The following PPP1R10 variants were observed in gnomAD, a reference collection of about 807,000 sequenced individuals.
PPP1R10 encodes the protein serine/threonine-protein phosphatase 1 regulatory subunit 10.
A neutral mutation model predicts 99.0 loss-of-function variants in PPP1R10; 15 were observed. The observed-to-expected ratio is 0.15, with a 90% confidence interval of 0.10 to 0.23. The LOEUF (loss-of-function observed/expected upper bound fraction) is 0.23, where lower values mean the gene tolerates loss of function less well. Ranked by LOEUF, PPP1R10 falls within the 10% of genes least tolerant of loss-of-function variation. The pLI is 1.00. For missense variants in PPP1R10, 947 were observed against 1,259.4 expected (o/e 0.75, Z 3.75); for synonymous variants, 430 against 449.5 (o/e 0.96, Z 0.55).
intron 5 of PPP1R10, among the ~76,000 whole-genome samples, chr6:30,608,436 GGACTAC>G (rs2127444846): frequency 6.6e-6 from 1 of 152,060 alleles, no homozygotes; most frequent in East Asian, 1.9e-4. Context: ...TGATTAGCTG[GGACTAC>G]AGGCGCATGC....
In PPP1R10 at chr6:30,609,171, AGAT is replaced by A; in HGVS notation, c.108-11_108-9del. On this transcript the variant is annotated splice_polypyrimidine_tract_variant and intron_variant, in intron 3 of 19. Transcript: ENST00000376511. This position sits in a 1 kb window ranked among gnomAD's most constrained non-coding sequence, Gnocchi z 4.5. Reference sequence around the variant, plus strand: ...CGTGCTTCCTTCATCAAACTGCAGAAGATGAGTTAGGGTTAGAAATGAAGCAGC... The same window carrying A: ...CGTGCTTCCTTCATCAAACTGCAGAAGAGTTAGGGTTAGAAATGAAGCAGC... The A allele has an allele frequency of 1.2e-6, 2 of 1,612,960 alleles. No homozygotes were observed. The highest frequency in any genetic ancestry group is 1.7e-6 in the Non-Finnish European group (2 of 1,179,886).
rs553094277 is a variant in PPP1R10, at chr6:30,615,037, T to A, written c.-12+1441A>T. On this transcript the variant is annotated intron_variant, in intron 2 of 19. Coordinates refer to ENST00000376511, the MANE Select transcript of PPP1R10 (RefSeq NM_002714.4). ...TGGAGAGAGGAGGAAGAAAGCTGAT[T>A]ACATCACCTTTCAAGGCTGCTCCTC... Among the ~76,000 whole-genome samples the A allele has an allele frequency of 1.8e-3, 278 of 152,164 alleles. 1 individual carries two copies. Among genetic ancestry groups the A allele is most frequent in the Non-Finnish European group, 1.4e-3 (93 of 67,998 alleles).
intron 6 of PPP1R10, 130 bp downstream of exon 6, chr6:30,607,710 G>GT: frequency 1.0e-6 from 1 of 996,338 alleles, no homozygotes; most frequent in Non-Finnish European, 1.5e-6. Flanking sequence ...CTCTTTAAAA[G>GT]AAGGAAAAAA....
intron 19 of PPP1R10, 55 bp downstream of exon 19, chr6:30,601,881 C>G (rs1345888988): frequency 6.9e-7 from 1 of 1,455,158 alleles, no homozygotes; most frequent in African/African-American, 1.4e-5. Context: ...ACCCACTCCC[C>G]AAAAGCTTGT....
chr6:30,613,164 A>G (rs1804732121), intron 2 of PPP1R10, among the ~76,000 whole-genome samples: 1 of 152,212 alleles, frequency 6.6e-6, no homozygotes, highest in Non-Finnish European at 1.5e-5. Context: ...CTGTGACACC[A>G]ACTCCTGCCT....
chr6:30,616,093 G>T (rs1229466685), intron 2 of PPP1R10, among the ~76,000 whole-genome samples: 2 of 152,214 alleles, frequency 1.3e-5, no homozygotes, highest in Non-Finnish European at 2.9e-5. Context: ...ACCATCTCTT[G>T]TATGTGAGCT....
At chr6:30,605,885 T>G in intron 10 of PPP1R10, 38 bp downstream of exon 10, 3 of 1,437,534 alleles carry the variant, frequency 2.1e-6, no homozygotes, top group Non-Finnish European at 2.9e-6. Flanking sequence ...AAAAGTTTGC[T>G]CCTAATTCAA....
chr6:30,615,508 C>T (rs183913943), intron 2 of PPP1R10, among the ~76,000 whole-genome samples: 2 of 152,252 alleles, frequency 1.3e-5, no homozygotes, highest in South Asian at 2.1e-4. Context: ...AAGACACAAC[C>T]TGCAACGCCG....
Position 30,602,950 on chromosome 6 carries a change from C to T in PPP1R10, c.1853G>A (p.Gly618Glu). 6.5e-7 allele frequency: 1 copy of T among 1,545,118 alleles called. No individual in the cohort carries two copies. Among genetic ancestry groups the T allele is most frequent in the Non-Finnish European group, 8.7e-7 (1 of 1,144,500 alleles). The stretch of plus-strand genomic sequence containing the variant: ...GGCTATTGGGCCAGGGCCTAGGAGT[C>T]CATGTGGCACTGTTAATGAAAACAA... ...DKIKQMLVPH[G>E]LLGPGPIANG... Residue 618 changes from glycine (G) to glutamate (E), a missense_variant, in exon 18 of 20, where the codon GGA (glycine) becomes GAA (glutamate). Physicochemically the swap from Gly to Glu is moderately conservative, Grantham distance 98. Coordinates refer to ENST00000376511, the MANE Select transcript of PPP1R10 (RefSeq NM_002714.4). The surrounding 1 kb of genome is among the most constrained non-coding windows in gnomAD (Gnocchi z 6.7).
Position 30,602,465 on chromosome 6 carries a change from A to G in PPP1R10, c.2184T>C (p.Gly728=). Residue 728 remains glycine (G), a synonymous_variant, in exon 19 of 20, where the codon GGT becomes GGC. Coordinates refer to ENST00000376511, the MANE Select transcript of PPP1R10 (RefSeq NM_002714.4). The surrounding 1 kb of genome is among the most constrained non-coding windows in gnomAD (Gnocchi z 6.7). ...CATTTGGGGGTCCTCCTCCAGAGCG[A>G]CCTCCTCTGGCGCCTCGGAATGGAG... The part of the protein sequence containing the change: ...PPPPFRGARG[G]RSGGGPPNGR... 1.3e-6 allele frequency: 2 copies of G among 1,591,790 alleles called. No homozygotes were observed. Among genetic ancestry groups the G allele is most frequent in the Middle Eastern group, 1.7e-4 (1 of 5,970 alleles).
In PPP1R10 at chr6:30,600,562, T is replaced by C. The variant is rs1024426902; in HGVS notation, c.*987A>G. ...TCATAGAAAACAACTGATGCCAAAG[T>C]GAAGGAGAGAACTGGGAAAGGGCAA... On this transcript the variant is annotated 3_prime_UTR_variant, in exon 20 of 20. Coordinates refer to ENST00000376511, the MANE Select transcript of PPP1R10 (RefSeq NM_002714.4). The C allele has an allele frequency of 1.3e-5, 2 of 152,238 alleles. No homozygotes were observed. The highest frequency in any genetic ancestry group is 2.9e-5 in the Non-Finnish European group (2 of 67,984). 9.4% of individuals were successfully genotyped at this position (152,238 alleles called of 1,614,324 possible). A position where few individuals can be genotyped will look rare whatever the true frequency, so the allele number is the denominator to read the frequency against.
At chr6:30,607,772 A>G in intron 6 of PPP1R10, 68 bp downstream of exon 6, 1 of 1,511,106 alleles carries the variant, frequency 6.6e-7, no homozygotes. Flanking sequence ...AGGATGGGAA[A>G]AGATATTAAG....
chr6:30,603,474 T>C lies in PPP1R10; in HGVS notation c.1765A>G (p.Met589Val), dbSNP rs1367127956. ...INVQEILTSI[M>V]GSPNSHPSEE... is the part of the protein sequence containing the mutation. ...AAAAGGGGAAGGAGGGTGCGTACCA[T>C]GATGGAGGTGAGGATCTCTTGGACA... Residue 589 changes from methionine to valine, a missense_variant and splice_region_variant, in exon 16 of 20, where the codon ATG becomes GTG. Met to Val is a conservative substitution (Grantham distance 21). Around this residue, in one of 10 missense-constraint regions of PPP1R10, gnomAD observed 525 missense variants for 578.8 expected, o/e 0.91. Coordinates refer to ENST00000376511, the MANE Select transcript of PPP1R10 (RefSeq NM_002714.4). 1.2e-6 allele frequency: 2 copies of C among 1,609,076 alleles called. No individual in the cohort carries two copies. Among genetic ancestry groups the C allele is most frequent in the African/African-American group, 1.3e-5 (1 of 74,646 alleles).
rs916325884 is a variant in PPP1R10, at chr6:30,609,233, G to A, written c.108-70C>T. On this transcript the variant is annotated intron_variant, in intron 3 of 19. Transcript: ENST00000376511. The surrounding 1 kb of genome is among the most constrained non-coding windows in gnomAD (Gnocchi z 4.5). ...CTTCTCTTAGCAAAAGCGCCTCTCT[G>A]TGAACTGCCTAGAGATTCCTAATGA... 57 of 1,419,612 alleles carry A rather than the reference G, an allele frequency of 4.0e-5. No homozygotes were observed. The African/African-American group carries it at 6.9e-4, about 17-fold the overall frequency. 87.9% of individuals were successfully genotyped at this position (1,419,612 alleles called of 1,614,324 possible).
intron 2 of PPP1R10, among the ~76,000 whole-genome samples, chr6:30,615,883 A>C (rs1760457125): frequency 6.6e-6 from 1 of 152,178 alleles, no homozygotes. Flanking sequence ...TTTTAACCAC[A>C]CAAATATACC....
At position 30,602,775 on chromosome 6, in the gene PPP1R10, G is replaced by A; in HGVS notation, c.1957+71C>T. 6.4e-7 allele frequency: 1 copy of A among 1,553,062 alleles called. No individual in the cohort carries two copies. Among genetic ancestry groups the A allele is most frequent in the Non-Finnish European group, 8.8e-7 (1 of 1,142,842 alleles). ...CTAAACCACCACCTCCCACCTTCCA[G>A]TCAATCCTATACTATTATCAGACTG... On this transcript the variant is annotated intron_variant, in intron 18 of 19. Coordinates refer to ENST00000376511, the MANE Select transcript of PPP1R10 (RefSeq NM_002714.4). The surrounding 1 kb of genome is among the most constrained non-coding windows in gnomAD (Gnocchi z 6.7).
chr6:30,607,026 G>A (rs1481075813), intron 6 of PPP1R10, among the ~76,000 whole-genome samples, 170 bp from the exon 7 acceptor site: 1 of 152,190 alleles, frequency 6.6e-6, no homozygotes, highest in African/African-American at 2.4e-5. Context: ...CTTAAAAAAT[G>A]GAACAATGAA....
At position 30,601,561 on chromosome 6, in the gene PPP1R10, G is replaced by T; in HGVS notation, c.2811C>A (p.Pro937=). 1.2e-6 allele frequency: 2 copies of T among 1,614,050 alleles called. No homozygotes were observed. Among genetic ancestry groups the T allele is most frequent in the Middle Eastern group, 1.7e-4 (1 of 6,060 alleles). ...AGGCAAATGGTCCCTAGGGCAGGGGGGGCCCATTGACACCCGGGTGGTAGA... is the reference window on the plus strand; with the variant it reads ...AGGCAAATGGTCCCTAGGGCAGGGGTGGCCCATTGACACCCGGGTGGTAGA... The part of the protein sequence containing the change: ...CAFYHPGVNG[P]PLP Residue 937 remains proline (P), a synonymous_variant, in exon 20 of 20, where the codon CCC becomes CCA. Coordinates refer to ENST00000376511, the MANE Select transcript of PPP1R10 (RefSeq NM_002714.4).
chr6:30,606,354 T>C lies in PPP1R10; in HGVS notation c.635-111A>G. 6.4e-7 allele frequency: 1 copy of C among 1,567,856 alleles called. No homozygotes were observed. Among genetic ancestry groups the C allele is most frequent in the Non-Finnish European group, 8.7e-7 (1 of 1,147,744 alleles). On this transcript the variant is annotated intron_variant, in intron 8 of 19. Coordinates refer to ENST00000376511, the MANE Select transcript of PPP1R10 (RefSeq NM_002714.4). The surrounding 1 kb of genome is among the most constrained non-coding windows in gnomAD (Gnocchi z 6.3). Reference sequence around the variant, plus strand: ...CTAGCCTTGTAACCAAAGCTTCCTCTGCTAGTCTTCCCTCTTCCTTACGAT... The same window carrying C: ...CTAGCCTTGTAACCAAAGCTTCCTCCGCTAGTCTTCCCTCTTCCTTACGAT...
Sources: allele counts gnomAD v4.1 joint callset (sites outside exome capture counted in the v4.1 genomes callset), GRCh38; gene constraint gnomAD v4.1.1; regional missense constraint gnomAD v4.1.1; non-coding constraint Gnocchi (gnomAD v3.1); transcripts MANE v1.5; gene names NCBI Gene and HGNC (gene_info 2026-07-23, HGNC 2026-07-21).